PRTFDC1: variants seen among roughly 807,000 people sequenced by gnomAD.
PRTFDC1 encodes phosphoribosyltransferase domain-containing protein 1.
PRTFDC1 carries 38 observed loss-of-function variants against 34.6 expected under a neutral mutation model. That is an observed-to-expected ratio of 1.10 (90% CI 0.85 to 1.44). The LOEUF (loss-of-function observed/expected upper bound fraction) is 1.44, where lower values mean the gene tolerates loss of function less well. Ranked by LOEUF, PRTFDC1 falls within the 40% of genes most tolerant of loss-of-function variation. The pLI is 0.00. For synonymous variants in PRTFDC1, 93 were observed against 98.1 expected, an observed-to-expected ratio of 0.95 and a Z score of 0.31; for missense variants, 270 against 283.0, an observed-to-expected ratio of 0.95 and a Z score of 0.33.
At chr10:24,912,267 T>TC (rs1564310557) in intron 3 of PRTFDC1, among the ~76,000 whole-genome samples, 2 of 2,824 alleles carry the variant, frequency 7.1e-4, no homozygotes, top group Non-Finnish European at 2.3e-3. Flanking sequence ...AGACTTCATC[T>TC]CAAAAAAAAA....
rs111358086 is a variant in PRTFDC1, at chr10:24,900,772, A to G, written c.340-28709T>C. Among the ~76,000 whole-genome samples, 1,517 of 152,310 alleles carry G rather than the reference A, an allele frequency of 1.0e-2. 37 individuals carry two copies. Among genetic ancestry groups the G allele is most frequent in the African/African-American group, 0.035 (1,450 of 41,568 alleles). On this transcript the variant is annotated intron_variant, in intron 3 of 8. Transcript: ENST00000320152. ...GTTCCTACATTTTGTACATGTTTATATTTAGAATTAAAAAATAAATAACCT... is the reference window on the plus strand; with the variant it reads ...GTTCCTACATTTTGTACATGTTTATGTTTAGAATTAAAAAATAAATAACCT...
chr10:24,935,213 C>T (rs2132605038), intron 3 of PRTFDC1, among the ~76,000 whole-genome samples: 1 of 152,124 alleles, frequency 6.6e-6, no homozygotes, highest in Non-Finnish European at 1.5e-5. Flanking sequence ...CTCAATAAAC[C>T]TGACTTTAAT....
intron 1 of PRTFDC1, among the ~76,000 whole-genome samples, chr10:24,947,518 T>A (rs1849268585): frequency 6.6e-6 from 1 of 152,174 alleles, no homozygotes; most frequent in Non-Finnish European, 1.5e-5. Flanking sequence ...CTGGGGGAAG[T>A]GACAAACCCA....
chr10:24,851,655 G>A (rs1490329688), intron 7 of PRTFDC1, among the ~76,000 whole-genome samples, 191 bp from the exon 8 acceptor site: 1 of 151,920 alleles, frequency 6.6e-6, no homozygotes, highest in Admixed American at 6.6e-5. Context: ...TCGGGAGGAA[G>A]GAGGCAAGGC....
intron 3 of PRTFDC1, among the ~76,000 whole-genome samples, chr10:24,919,955 T>C (rs550155499): frequency 6.6e-6 from 1 of 152,024 alleles, no homozygotes; most frequent in Non-Finnish European, 1.5e-5. Context: ...ATGGTGATTA[T>C]CAAAAAGTCA....
rs1459385469 is a variant in PRTFDC1, at chr10:24,937,330, CTA to C, written c.191_192del (p.Ile64ArgfsTer3). 1.9e-6 allele frequency: 3 copies of C among 1,612,238 alleles called. No homozygotes were observed. The highest frequency in any genetic ancestry group is 2.5e-6 in the Non-Finnish European group (3 of 1,179,616). ...CACAGGACCATGATGTCACTATATC[CTA>C]TGTCTTTCATAATATCCTTGGCCAG... ...ERLAKDIMKD[I>X]GYSDIMVLCV... On this transcript the variant is annotated frameshift_variant, in exon 3 of 9. Coordinates refer to ENST00000320152, the MANE Select transcript of PRTFDC1 (RefSeq NM_020200.7). LOFTEE classifies it high-confidence loss of function.
chr10:24,869,867 T>C (rs1847845345), intron 4 of PRTFDC1, among the ~76,000 whole-genome samples: 1 of 152,212 alleles, frequency 6.6e-6, no homozygotes, highest in South Asian at 2.1e-4. Flanking sequence ...CATTTCCCTC[T>C]GCCCTGTCCT....
chr10:24,892,919 A>G (rs1428293063), intron 3 of PRTFDC1, among the ~76,000 whole-genome samples: 2 of 152,230 alleles, frequency 1.3e-5, no homozygotes, highest in Non-Finnish European at 2.9e-5. Flanking sequence ...TTTGATTTTT[A>G]TCACTCCAGT....
chr10:24,936,980 A>G (rs998307959), intron 3 of PRTFDC1, among the ~76,000 whole-genome samples: 1 of 152,216 alleles, frequency 6.6e-6, no homozygotes, highest in Non-Finnish European at 1.5e-5. Context: ...ATGTGAAAAT[A>G]GAGAGAAGGT....
intron 3 of PRTFDC1, among the ~76,000 whole-genome samples, chr10:24,921,104 C>CA (rs1302784925): frequency 1.3e-5 from 2 of 150,418 alleles, no homozygotes; most frequent in Non-Finnish European, 3.0e-5. Flanking sequence ...AAAAAAAAAA[C>CA]AAAAAAACAA....
rs112553476 is a variant in PRTFDC1, at chr10:24,935,376, G to A, written c.339+1808C>T. On this transcript the variant is annotated intron_variant, in intron 3 of 8. Coordinates refer to ENST00000320152, the MANE Select transcript of PRTFDC1 (RefSeq NM_020200.7). Reference sequence around the variant, plus strand: ...ATCTAAAGAGAGAAAAAATTCTCAGGAGAAGATAAAACCAAGAAATCAGAG... The same window carrying A: ...ATCTAAAGAGAGAAAAAATTCTCAGAAGAAGATAAAACCAAGAAATCAGAG... Among the ~76,000 whole-genome samples, 1,486 of 152,272 alleles carry A rather than the reference G, an allele frequency of 9.8e-3. 31 individuals carry two copies. Among genetic ancestry groups the A allele is most frequent in the African/African-American group, 0.034 (1,428 of 41,554 alleles).
intron 3 of PRTFDC1, among the ~76,000 whole-genome samples, chr10:24,888,567 G>A (rs1042101311): frequency 2.0e-5 from 3 of 152,128 alleles, no homozygotes; most frequent in Non-Finnish European, 2.9e-5. Context: ...ATTCCAATAC[G>A]TTTTCCACTC....
intron 4 of PRTFDC1, among the ~76,000 whole-genome samples, chr10:24,860,064 A>T (rs1171905972): frequency 6.6e-6 from 1 of 152,166 alleles, no homozygotes; most frequent in Non-Finnish European, 1.5e-5. Flanking sequence ...TGTTTCATTT[A>T]TCTCTATGAT....
rs1251870064 is a variant in PRTFDC1 at position 24,872,703 on chromosome 10, A to G, written c.340-640T>C. Among the ~76,000 whole-genome samples, 3 of 134,984 alleles carry G rather than the reference A, an allele frequency of 2.2e-5. No homozygotes were observed. The East Asian group carries it at 6.2e-4, about 28-fold the overall frequency. 88.6% of individuals were successfully genotyped at this position (134,984 alleles called of 152,430 possible). A position where few individuals can be genotyped will look rare whatever the true frequency, so the allele number is the denominator to read the frequency against. On this transcript the variant is annotated intron_variant, in intron 3 of 8. Coordinates refer to ENST00000320152, the MANE Select transcript of PRTFDC1 (RefSeq NM_020200.7). The stretch of plus-strand genomic sequence containing the variant: ...TGTGTGTGTGTATATATATATATAC[A>G]CAAAATATATATAATACACAAAATA...
intron 3 of PRTFDC1, among the ~76,000 whole-genome samples, chr10:24,913,390 A>G (rs533043210): frequency 6.6e-6 from 1 of 152,290 alleles, no homozygotes; most frequent in East Asian, 1.9e-4. Context: ...AAGATGATTC[A>G]TTGCACAGTT....
At chr10:24,939,233 G>T (rs1009998966) in intron 2 of PRTFDC1, among the ~76,000 whole-genome samples, 5 of 150,596 alleles carry the variant, frequency 3.3e-5, no homozygotes, top group Non-Finnish European at 7.4e-5. Flanking sequence ...CCCAGGAGGC[G>T]GAGGTTGCAG....
intron 3 of PRTFDC1, among the ~76,000 whole-genome samples, chr10:24,874,902 A>G (rs2132516083): frequency 6.6e-6 from 1 of 152,320 alleles, no homozygotes; most frequent in South Asian, 2.1e-4. Context: ...TGCTGTTCTC[A>G]TGATGATGAG....
chr10:24,891,118 G>C (rs1848253592), intron 3 of PRTFDC1, among the ~76,000 whole-genome samples: 2 of 152,212 alleles, frequency 1.3e-5, no homozygotes, highest in Non-Finnish European at 2.9e-5. Context: ...TTACTGACCA[G>C]TTATGCCAAG....
intron 3 of PRTFDC1, among the ~76,000 whole-genome samples, chr10:24,904,143 C>G (rs577111062): frequency 3.0e-4 from 45 of 152,142 alleles, no homozygotes; most frequent in Non-Finnish European, 5.9e-4. Context: ...TAAAATTTAA[C>G]AGAGGTAGCT....
Sources: allele counts gnomAD v4.1 joint callset (sites outside exome capture counted in the v4.1 genomes callset), GRCh38; gene constraint gnomAD v4.1.1; transcripts MANE v1.5; gene names NCBI Gene and HGNC (gene_info 2026-07-23, HGNC 2026-07-21).